Variants in LMX1B observed in about 807,000 individuals in gnomAD.
The protein encoded by LMX1B is LIM homeobox transcription factor 1-beta.
In LMX1B, 12 loss-of-function variants were observed where a neutral mutation model predicts 51.4. The observed-to-expected ratio is 0.23, with a 90% CI of 0.15 to 0.38. The LOEUF (loss-of-function observed/expected upper bound fraction) is 0.38, where lower values mean the gene tolerates loss of function less well. Among genes scored for constraint, LMX1B ranks in the 10% least tolerant of loss-of-function variants. The pLI is 1.00. For missense variants in LMX1B, 445 were observed against 571.1 expected (o/e 0.78, Z 2.25); for synonymous variants, 237 against 235.4 (o/e 1.01, Z -0.06).
At chr9:126,683,567 T>G (rs914752845) in intron 2 of LMX1B, among the ~76,000 whole-genome samples, 2 of 152,024 alleles carry the variant, frequency 1.3e-5, no homozygotes, top group Admixed American at 1.3e-4. Context: ...TCCTGTGAAC[T>G]GCAGCTCATC....
In LMX1B at chr9:126,613,977, G is replaced by A. The variant is rs1318783131; in HGVS notation, c.-473G>A. Among the ~76,000 whole-genome samples the A allele has an allele frequency of 2.1e-5, 3 of 145,694 alleles. No individual in the cohort carries two copies. The highest frequency in any genetic ancestry group is 3.0e-5 in the Non-Finnish European group (2 of 65,618). ...TCAGCGGGCGCACCATGGCACTGGA[G>A]TAGCGCGGGGAGCGCGCCCGGAGCC... On this transcript the variant is annotated 5_prime_UTR_variant, in exon 1 of 8. Transcript: ENST00000373474. The surrounding 1 kb of genome is among the most constrained non-coding windows in gnomAD (Gnocchi z 4.5).
In LMX1B at chr9:126,618,979, C is replaced by T. The variant is rs887185086; in HGVS notation, c.326+3410C>T. On this transcript the variant is annotated intron_variant, in intron 2 of 7. Transcript: ENST00000373474. The surrounding 1 kb of genome is among the most constrained non-coding windows in gnomAD (Gnocchi z 4.5). ...ACCTCGGCGGCGGGGCCGCGGCGTC[C>T]TTCCGCCCGCAGGGCCTGCCCGGGC... 1.3e-5 allele frequency among the ~76,000 whole-genome samples: 2 copies of T among 152,002 alleles called. No individual in the cohort carries two copies. Among genetic ancestry groups the T allele is most frequent in the African/African-American group, 4.8e-5 (2 of 41,418 alleles).
intron 2 of LMX1B, among the ~76,000 whole-genome samples, chr9:126,663,732 G>A (rs1041401111): frequency 6.6e-6 from 1 of 152,248 alleles, no homozygotes; most frequent in Non-Finnish European, 1.5e-5. Flanking sequence ...TTGCCAGGCA[G>A]TGTCTGGCAC....
chr9:126,693,944 C>T (rs2030242082), intron 6 of LMX1B, 132 bp downstream of exon 6: 2 of 610,826 alleles, frequency 3.3e-6, no homozygotes, highest in South Asian at 3.8e-5. Flanking sequence ...ACCGGGGCTG[C>T]ACCTGTCCCA....
intron 2 of LMX1B, among the ~76,000 whole-genome samples, chr9:126,620,205 C>T (rs1361910790): frequency 1.3e-5 from 2 of 152,160 alleles, no homozygotes; most frequent in Non-Finnish European, 2.9e-5. Context: ...GAGGAGCACC[C>T]TGGGGAAGCC....
intron 2 of LMX1B, among the ~76,000 whole-genome samples, chr9:126,683,488 C>G (rs537610055): frequency 6.6e-6 from 1 of 152,318 alleles, no homozygotes; most frequent in South Asian, 2.1e-4. Context: ...GGCTCCCTCT[C>G]TAAGTGACAG....
intron 3 of LMX1B, among the ~76,000 whole-genome samples, chr9:126,692,087 C>T (rs566317003): frequency 3.9e-5 from 6 of 152,316 alleles, no homozygotes; most frequent in African/African-American, 1.2e-4. Flanking sequence ...TGGAGCCCTC[C>T]GGCAACAGGA....
chr9:126,685,525 G>A (rs1355824409), intron 2 of LMX1B, among the ~76,000 whole-genome samples: 1 of 152,220 alleles, frequency 6.6e-6, no homozygotes, highest in East Asian at 1.9e-4. Flanking sequence ...GACAAAGGCT[G>A]GGAGTTGCCC....
rs1835619778 is a variant in LMX1B, at chr9:126,630,868, ACCCCTG to A, written c.326+15301_326+15306del. ...GGCCAGCCCTCACAGGGCCACCTTT[ACCCCTG>A]CAGTGCCTTCCTGGCTCCGGGCTGC... On this transcript the variant is annotated intron_variant, in intron 2 of 7. Coordinates refer to ENST00000373474, the MANE Select transcript of LMX1B (RefSeq NM_001174147.2). Among the ~76,000 whole-genome samples the A allele has an allele frequency of 3.3e-5, 5 of 152,306 alleles. No homozygotes were observed. The South Asian group carries it at 1.0e-3, about 32-fold the overall frequency.
intron 2 of LMX1B, among the ~76,000 whole-genome samples, chr9:126,683,171 C>T (rs1836708141): frequency 6.6e-6 from 1 of 150,960 alleles, no homozygotes; most frequent in Non-Finnish European, 1.5e-5. Context: ...CCCGACGCGG[C>T]GAGGAGGCCG....
At chr9:126,620,678 T>C (rs990806053) in intron 2 of LMX1B, among the ~76,000 whole-genome samples, 3 of 151,394 alleles carry the variant, frequency 2.0e-5, no homozygotes, top group Admixed American at 1.3e-4. Context: ...CTCTTTCTCC[T>C]TGGGGGCAGA....
intron 2 of LMX1B, among the ~76,000 whole-genome samples, chr9:126,653,970 G>T (rs1160424243): frequency 6.6e-6 from 1 of 151,948 alleles, no homozygotes; most frequent in Non-Finnish European, 1.5e-5. Context: ...CTCTCCATTG[G>T]ACCTGGACTC....
In LMX1B at chr9:126,698,950, T is replaced by G. The variant is rs1270905706; in HGVS notation, c.*2499T>G. The G allele has an allele frequency of 6.6e-6, 1 of 152,340 alleles. No homozygotes were observed. Among genetic ancestry groups the G allele is most frequent in the Admixed American group, 6.5e-5 (1 of 15,284 alleles). 9.4% of individuals were successfully genotyped at this position (152,340 alleles called of 1,614,324 possible). Reference sequence around the variant, plus strand: ...TCTCCAAGGACCTCAGTTGATGTTCTGGTCCTTCTGCCGCCTCAGCCCACC... The same window carrying G: ...TCTCCAAGGACCTCAGTTGATGTTCGGGTCCTTCTGCCGCCTCAGCCCACC... On this transcript the variant is annotated 3_prime_UTR_variant, in exon 8 of 8. Transcript: ENST00000373474.
intron 2 of LMX1B, among the ~76,000 whole-genome samples, chr9:126,631,086 G>GC: frequency 6.6e-6 from 1 of 152,216 alleles, no homozygotes; most frequent in Middle Eastern, 3.2e-3. Context: ...CAGGGCAGTG[G>GC]CCCCCCTGTG....
chr9:126,644,802 T>C (rs1835870918), intron 2 of LMX1B, among the ~76,000 whole-genome samples: 1 of 152,128 alleles, frequency 6.6e-6, no homozygotes, highest in Non-Finnish European at 1.5e-5. Context: ...TGATGGAAGT[T>C]CCTGGCTGCA....
intron 2 of LMX1B, among the ~76,000 whole-genome samples, chr9:126,634,964 G>C (rs905350758): frequency 2.6e-5 from 4 of 152,176 alleles, no homozygotes; most frequent in Admixed American, 2.0e-4. Flanking sequence ...TCTGCCCCTG[G>C]CTGTCCTCTC....
intron 2 of LMX1B, among the ~76,000 whole-genome samples, chr9:126,667,295 C>T (rs908670457): frequency 1.4e-4 from 22 of 152,352 alleles, no homozygotes; most frequent in African/African-American, 5.0e-4. Context: ...CATCAGTACA[C>T]GCAGATTTGC....
rs556594699 is a variant in LMX1B, at chr9:126,627,555, G to A, written c.326+11986G>A. 1.4e-3 allele frequency among the ~76,000 whole-genome samples: 216 copies of A among 152,144 alleles called. 2 individuals carry two copies. The highest frequency in any genetic ancestry group is 0.012 in the Admixed American group (180 of 15,288). On this transcript the variant is annotated intron_variant, in intron 2 of 7. Transcript: ENST00000373474. ...GGTGGGAGGGGCTCTTCCCCCACCA[G>A]CCCTGGCCTCTGAGCCTGCTCCCCT...
intron 2 of LMX1B, among the ~76,000 whole-genome samples, chr9:126,682,081 G>GCCTT (rs755608375): frequency 3.9e-4 from 32 of 81,274 alleles, no homozygotes; most frequent in Non-Finnish European, 4.8e-4. Context: ...GGTCCCCAGG[G>GCCTT]TCTTTTTTTT....
Sources: gnomAD v4.1 joint callset for allele counts (sites outside exome capture counted in the v4.1 genomes callset) on GRCh38, gnomAD v4.1.1 for gene constraint, Gnocchi (gnomAD v3.1) non-coding constraint, MANE v1.5 for transcripts, NCBI Gene and HGNC (gene_info 2026-07-23, HGNC 2026-07-21) for gene names.